Variants in GOLPH3L observed in about 807,000 individuals in gnomAD.
GOLPH3L encodes golgi phosphoprotein 3 like, also known as Golgi phosphoprotein 3-like.
In GOLPH3L, 22 loss-of-function variants were observed where a neutral mutation model predicts 30.3. The observed-to-expected ratio is 0.73, with a 90% CI of 0.52 to 1.04. GOLPH3L has a LOEUF of 1.04. GOLPH3L is among the 50% of genes least tolerant of loss of function. The pLI is 0.00. For synonymous variants in GOLPH3L, 120 were observed against 128.2 expected, an observed-to-expected ratio of 0.94 and a Z score of 0.43; for missense variants, 303 against 345.8, an observed-to-expected ratio of 0.88 and a Z score of 0.98.
chr1:150,690,729 T>C (rs1233784811), intron 2 of GOLPH3L, among the ~76,000 whole-genome samples: 1 of 152,176 alleles, frequency 6.6e-6, no homozygotes, highest in Middle Eastern at 3.2e-3. Context: ...TCACTCAGGT[T>C]CCCTCATCCA....
At position 150,694,656 on chromosome 1, in the gene GOLPH3L, C is replaced by T; in HGVS notation, c.183G>A (p.Glu61=). ...AGCCTAGCAAACCTAACTGCATTACCTCTTTATCTTTTAGTCCCAGAAGCA... is the reference window on the plus strand; with the variant it reads ...AGCCTAGCAAACCTAACTGCATTACTTCTTTATCTTTTAGTCCCAGAAGCA... ...EVLLLGLKDK[E]GYTSFWNDCI... The change falls in exon 2 of 5, where the codon GAG becomes GAA. Residue 61 remains glutamate (E), a splice_region_variant and synonymous_variant. Coordinates refer to ENST00000271732, the MANE Select transcript of GOLPH3L (RefSeq NM_018178.6). 1 of 1,586,738 alleles carries T rather than the reference C, an allele frequency of 6.3e-7. No individual in the cohort carries two copies. The highest frequency in any genetic ancestry group is 2.2e-5 in the East Asian group (1 of 44,644).
chr1:150,685,958 T>G (rs587634337), intron 2 of GOLPH3L, among the ~76,000 whole-genome samples: 1 of 149,450 alleles, frequency 6.7e-6, no homozygotes, highest in African/African-American at 2.4e-5. Flanking sequence ...CACTGCAACT[T>G]CTGCCTCCCT....
chr1:150,673,678 T>C (rs985074849), intron 2 of GOLPH3L, among the ~76,000 whole-genome samples: 7 of 152,006 alleles, frequency 4.6e-5, no homozygotes, highest in Non-Finnish European at 7.4e-5. Context: ...CCAGTAATCC[T>C]AGTACTTTGG....
At chr1:150,687,724 A>T (rs1651119480) in intron 2 of GOLPH3L, among the ~76,000 whole-genome samples, 1 of 152,214 alleles carries the variant, frequency 6.6e-6, no homozygotes, top group Non-Finnish European at 1.5e-5. Flanking sequence ...GCATTAACAT[A>T]CTTTATAATT....
At chr1:150,683,656 C>T (rs1651014095) in intron 2 of GOLPH3L, among the ~76,000 whole-genome samples, 1 of 131,030 alleles carries the variant, frequency 7.6e-6, no homozygotes, top group South Asian at 2.4e-4. Context: ...GCCAAGATCA[C>T]GCTGCTGCAC....
chr1:150,667,646 T>C (rs2101795319), intron 2 of GOLPH3L, among the ~76,000 whole-genome samples: 1 of 149,556 alleles, frequency 6.7e-6, no homozygotes, highest in African/African-American at 2.5e-5. Flanking sequence ...CAGGCTGGAG[T>C]GCAGTGGCGC....
intron 4 of GOLPH3L, among the ~76,000 whole-genome samples, chr1:150,655,466 T>C (rs1220958278): frequency 6.6e-6 from 1 of 152,164 alleles, no homozygotes; most frequent in Non-Finnish European, 1.5e-5. Flanking sequence ...ATATGATGCA[T>C]GAAATGGGGC....
intron 2 of GOLPH3L, among the ~76,000 whole-genome samples, chr1:150,683,699 C>CAA (rs397981524): frequency 0.17 from 2,607 of 14,958 alleles, 908 homozygotes; most frequent in Non-Finnish European, 0.24. Flanking sequence ...GACTCTCTCT[C>CAA]AAAAAAAAAA....
At chr1:150,678,265 C>A (rs911630312) in intron 2 of GOLPH3L, among the ~76,000 whole-genome samples, 3 of 55,674 alleles carry the variant, frequency 5.4e-5, no homozygotes, top group Non-Finnish European at 9.8e-5. Context: ...CCTTGGGCAA[C>A]AAGATCGAAA....
At chr1:150,664,722 G>C (rs1218593547) in intron 2 of GOLPH3L, among the ~76,000 whole-genome samples, 1 of 152,114 alleles carries the variant, frequency 6.6e-6, no homozygotes, top group East Asian at 1.9e-4. Context: ...AAAGTGCTGG[G>C]AATACAGGAG....
At chr1:150,661,314 A>G (rs1650362953) in intron 4 of GOLPH3L, among the ~76,000 whole-genome samples, 1 of 152,116 alleles carries the variant, frequency 6.6e-6, no homozygotes, top group South Asian at 2.1e-4. Flanking sequence ...CCAGTTATCT[A>G]CTCCTAGCTA....
intron 3 of GOLPH3L, among the ~76,000 whole-genome samples, chr1:150,663,328 CT>C (rs960277011): frequency 1.6e-4 from 25 of 152,142 alleles, no homozygotes; most frequent in African/African-American, 5.8e-4. Context: ...GCGTGAGCCA[CT>C]GTGCCCGGCT....
At chr1:150,670,939 G>T (rs1053744118) in intron 2 of GOLPH3L, among the ~76,000 whole-genome samples, 4 of 151,856 alleles carry the variant, frequency 2.6e-5, no homozygotes, top group Non-Finnish European at 5.9e-5. Context: ...ACAGTATTTT[G>T]TTATTATTAA....
chr1:150,664,388 A>T lies in GOLPH3L; in HGVS notation c.184-625T>A, dbSNP rs186825019. Among the ~76,000 whole-genome samples the T allele has an allele frequency of 1.1e-3, 169 of 152,230 alleles. 1 individual carries two copies. The highest frequency in any genetic ancestry group is 7.9e-3 in the South Asian group (38 of 4,814). On this transcript the variant is annotated intron_variant, in intron 2 of 4. Transcript: ENST00000271732. ...GACACAAAATTTCAGAGTGGGGTAA[A>T]ATAAGTCAGAAAAAAGTAAAAAGCA...
chr1:150,680,150 G>T (rs891089922), intron 2 of GOLPH3L, among the ~76,000 whole-genome samples: 5 of 152,060 alleles, frequency 3.3e-5, no homozygotes, highest in Admixed American at 3.3e-4. Flanking sequence ...AAGCAAAAAT[G>T]GGAATGGAAA....
intron 2 of GOLPH3L, among the ~76,000 whole-genome samples, chr1:150,677,131 C>T (rs587748839): frequency 2.0e-5 from 3 of 150,146 alleles, no homozygotes; most frequent in South Asian, 2.1e-4. Flanking sequence ...AGTGCAGTGG[C>T]GCGATCTTGG....
chr1:150,668,528 G>A (rs587680683), intron 2 of GOLPH3L, among the ~76,000 whole-genome samples: 5 of 152,132 alleles, frequency 3.3e-5, no homozygotes, highest in African/African-American at 7.2e-5. Flanking sequence ...GACTACAGGC[G>A]CGTGCCACCA....
At chr1:150,684,972 T>A (rs879368091) in intron 2 of GOLPH3L, among the ~76,000 whole-genome samples, 6 of 152,154 alleles carry the variant, frequency 3.9e-5, no homozygotes, top group Non-Finnish European at 7.4e-5. Flanking sequence ...CCAGCGATAA[T>A]ATGATAATTA....
chr1:150,678,864 C>A (rs1650882192), intron 2 of GOLPH3L, among the ~76,000 whole-genome samples: 1 of 152,060 alleles, frequency 6.6e-6, no homozygotes, highest in South Asian at 2.1e-4. Flanking sequence ...TGAGGCAGAA[C>A]TGCTTGAACC....
Sources: allele counts gnomAD v4.1 joint callset (sites outside exome capture counted in the v4.1 genomes callset), GRCh38; gene constraint gnomAD v4.1.1; transcripts MANE v1.5; gene names NCBI Gene and HGNC (gene_info 2026-07-23, HGNC 2026-07-21).